The following SLC2A8 variants were observed in gnomAD, a reference collection of about 807,000 sequenced individuals.
SLC2A8 encodes solute carrier family 2, facilitated glucose transporter member 8.
In SLC2A8, 53 loss-of-function variants were observed where a neutral mutation model predicts 49.2. That is an observed-to-expected ratio of 1.08 (90% CI 0.86 to 1.35). The LOEUF is 1.35. Among genes scored for constraint, SLC2A8 ranks in the 40% most tolerant of loss-of-function variants. The pLI, the probability that SLC2A8 is intolerant of heterozygous loss-of-function variation, is 0.00. For synonymous variants in SLC2A8, 299 were observed against 297.0 expected (o/e 1.01, Z -0.07); for missense variants, 688 against 671.7 (o/e 1.02, Z -0.27).
intron 4 of SLC2A8, among the ~76,000 whole-genome samples, chr9:127,401,918 A>G (rs1425596454): frequency 6.6e-6 from 1 of 152,212 alleles, no homozygotes; most frequent in African/African-American, 2.4e-5. Flanking sequence ...AGACTCATTT[A>G]TTCCAGGGCC....
chr9:127,397,288 TGA>T lies in SLC2A8; in HGVS notation c.56+4_56+5del. ...GCTTCTGGGGCCTCCTGGCGGCAGG[TGA>T]GCTCCGGGGAACCCGGGCCCGGATG... On this transcript the variant is annotated splice_donor_region_variant and intron_variant, in intron 1 of 9. Coordinates refer to ENST00000373371, the MANE Select transcript of SLC2A8 (RefSeq NM_014580.5). 1 of 1,391,720 alleles carries T rather than the reference TGA, an allele frequency of 7.2e-7. No homozygotes were observed. Among genetic ancestry groups the T allele is most frequent in the Non-Finnish European group, 9.2e-7 (1 of 1,083,614 alleles). 86.2% of individuals were successfully genotyped at this position (1,391,720 alleles called of 1,614,324 possible).
At chr9:127,397,845 T>C (rs2131871584) in intron 2 of SLC2A8, 60 bp from the exon 3 acceptor site, 1 of 1,401,380 alleles carries the variant, frequency 7.1e-7, no homozygotes, top group South Asian at 1.5e-5. Flanking sequence ...GGGGAGTGGG[T>C]GGAGGGGGAG....
rs1031776511 is a variant in SLC2A8 at position 127,397,997 on chromosome 9, C to T, written c.312C>T (p.Ser104=). The T allele has an allele frequency of 1.2e-5, 18 of 1,556,142 alleles. No individual in the cohort carries two copies. Among genetic ancestry groups the T allele is most frequent in the Non-Finnish European group, 1.6e-5 (18 of 1,157,996 alleles). Residue 104 remains serine, a synonymous_variant, in exon 3 of 10, where the codon TCC becomes TCT. Transcript: ENST00000373371. ...AGRKLSLLLC[S]VPFVAGFAVI... is the part of the protein sequence containing the mutation. ...GCAAGCTGAGCCTCTTGCTGTGCTC[C>T]GTGCCCTTCGTGGCCGGCTTTGCCG...
intron 7 of SLC2A8, 119 bp from the exon 8 acceptor site, chr9:127,404,699 C>T: frequency 1.7e-6 from 2 of 1,207,946 alleles, no homozygotes; most frequent in Non-Finnish European, 1.1e-6. Context: ...GGTGCCAGAA[C>T]ACCAAGCTGG....
rs369824077 is a variant in SLC2A8 at position 127,404,925 on chromosome 9, C to A, written c.1084C>A (p.Gln362Lys). The stretch of plus-strand genomic sequence containing the variant: ...GGCCATCTCGGCGCCTGTCTCTGCA[C>A]AGCCTGTTGATGCCAGCGTGGGGCT... The part of the protein sequence containing the change: ...HVAISAPVSA[Q>K]PVDASVGLAW... The change falls in exon 8 of 10, where the codon CAG becomes AAG. Residue 362 changes from glutamine to lysine, a missense_variant. Transcript: ENST00000373371. 22 of 1,612,222 alleles carry A rather than the reference C, an allele frequency of 1.4e-5. No individual in the cohort carries two copies. Among genetic ancestry groups the A allele is most frequent in the Non-Finnish European group, 1.8e-5 (21 of 1,179,798 alleles).
chr9:127,405,427 G>A lies in SLC2A8; in HGVS notation c.1158G>A (p.Ala386=), dbSNP rs368702482. The A allele has an allele frequency of 3.0e-5, 48 of 1,612,624 alleles. No homozygotes were observed. Among genetic ancestry groups the A allele is most frequent in the Middle Eastern group, 3.3e-4 (2 of 6,054 alleles). ...CCTGTCTCGCTCCCACAGGCTTTGC[G>A]GTGGGCTGGGGGCCCATCCCCTGGC... ...GSMCLFIAGF[A]VGWGPIPWLL... Residue 386 remains alanine, a synonymous_variant, in exon 9 of 10, where the codon GCG becomes GCA. Coordinates refer to ENST00000373371, the MANE Select transcript of SLC2A8 (RefSeq NM_014580.5).
chr9:127,403,523 G>A, intron 5 of SLC2A8, 137 bp from the exon 6 acceptor site: 2 of 993,232 alleles, frequency 2.0e-6, no homozygotes, highest in Non-Finnish European at 3.0e-6. Flanking sequence ...CACACCTGAG[G>A]ACACAGGGGG....
intron 4 of SLC2A8, among the ~76,000 whole-genome samples, chr9:127,400,529 C>G (rs1050005317): frequency 2.8e-4 from 43 of 152,056 alleles, no homozygotes; most frequent in African/African-American, 1.0e-3. Flanking sequence ...CCTGAAGCCC[C>G]CTCTAGGGGT....
chr9:127,405,090 TCTC>T (rs1165286652), intron 8 of SLC2A8, 99 bp downstream of exon 8: 1 of 1,305,208 alleles, frequency 7.7e-7, no homozygotes, highest in Non-Finnish European at 1.1e-6. Flanking sequence ...CAGCCTCACC[TCTC>T]CTCTCGTAAG....
In SLC2A8 at chr9:127,405,666, G is replaced by A; in HGVS notation, c.1296+101G>A. Reference sequence around the variant, plus strand: ...AAGACCCAGGGTCGTGGCCTTACATGCAGCCTGAGCCCCACCATGCCTGGG... The same window carrying A: ...AAGACCCAGGGTCGTGGCCTTACATACAGCCTGAGCCCCACCATGCCTGGG... On this transcript the variant is annotated intron_variant, in intron 9 of 9. Transcript: ENST00000373371. 2.8e-6 allele frequency: 4 copies of A among 1,454,256 alleles called. No individual in the cohort carries two copies. The South Asian group carries it at 5.1e-5, about 18-fold the overall frequency. 90.1% of individuals were successfully genotyped at this position (1,454,256 alleles called of 1,614,324 possible).
At chr9:127,397,654 C>T (rs1376845888) in intron 2 of SLC2A8, 116 bp downstream of exon 2, 9 of 1,308,464 alleles carry the variant, frequency 6.9e-6, no homozygotes, top group Admixed American at 3.8e-5. Context: ...GGCCCCGCCG[C>T]CACCACCTTT....
At position 127,399,590 on chromosome 9, in the gene SLC2A8, T is replaced by G. The variant is rs1833192329; in HGVS notation, c.427-317T>G. On this transcript the variant is annotated intron_variant, in intron 3 of 9. Transcript: ENST00000373371. This position sits in a 1 kb window ranked among gnomAD's most constrained non-coding sequence, Gnocchi z 4.2. ...TCTTTTTTTTTTTTTTTTTAATTTT[T>G]ATTTAAAAATTTCGGAGTTTCGCTC... is the stretch of plus-strand genomic sequence containing the variant. Among the ~76,000 whole-genome samples, 1 of 151,474 alleles carries G rather than the reference T, an allele frequency of 6.6e-6. No individual in the cohort carries two copies. Among genetic ancestry groups the G allele is most frequent in the Admixed American group, 6.6e-5 (1 of 15,226 alleles).
At chr9:127,401,592 C>T (rs758042732) in intron 4 of SLC2A8, among the ~76,000 whole-genome samples, 2 of 152,228 alleles carry the variant, frequency 1.3e-5, no homozygotes, top group African/African-American at 4.8e-5. Flanking sequence ...TCCACCCACC[C>T]GTGGCACTAT....
chr9:127,401,712 A>C (rs1833298730), intron 4 of SLC2A8, among the ~76,000 whole-genome samples: 1 of 152,214 alleles, frequency 6.6e-6, no homozygotes, highest in African/African-American at 2.4e-5. Flanking sequence ...ACAAAGTGAC[A>C]TGGTGGTGGC....
chr9:127,400,147 G>T, intron 4 of SLC2A8, 141 bp downstream of exon 4: 1 of 581,232 alleles, frequency 1.7e-6, no homozygotes. Flanking sequence ...GCCTTCCTGG[G>T]ACCTTGGGAT....
At position 127,403,746 on chromosome 9, in the gene SLC2A8, G is replaced by A. The variant is rs199545728; in HGVS notation, c.810G>A (p.Ser270=). 10 of 1,613,158 alleles carry A rather than the reference G, an allele frequency of 6.2e-6. No homozygotes were observed. Among genetic ancestry groups the A allele is most frequent in the Admixed American group, 3.3e-5 (2 of 60,006 alleles). ...CCCTGATGGCCTTCCAGCAGCTGTC[G>A]GGGGTCAACGCCGTCATGTTCTATG... is the stretch of plus-strand genomic sequence containing the variant. ...GVSLMAFQQL[S]GVNAVMFYAE... The change falls in exon 6 of 10, where the codon TCG becomes TCA. Residue 270 remains serine, a synonymous_variant. Transcript: ENST00000373371.
chr9:127,402,118 G>A (rs1833312167), intron 4 of SLC2A8, among the ~76,000 whole-genome samples: 1 of 152,150 alleles, frequency 6.6e-6, no homozygotes, highest in African/African-American at 2.4e-5. Context: ...AGCTTCCTCC[G>A]CCTCTGTCCC....
chr9:127,404,086 G>C lies in SLC2A8; in HGVS notation c.976+19G>C. 3 of 1,532,262 alleles carry C rather than the reference G, an allele frequency of 2.0e-6. No homozygotes were observed. Among genetic ancestry groups the C allele is most frequent in the South Asian group, 1.2e-5 (1 of 84,326 alleles). The allele number at this position is 1,532,262 out of a possible 1,614,324, so 94.9% of individuals were successfully genotyped here. A position where few individuals can be genotyped will look rare whatever the true frequency, so the allele number is the denominator to read the frequency against. ...TTGTCAGGTGAGGGTTCACCCCTGT[G>C]CAGCCTCCCCGCCATGCGGGGGAGG... On this transcript the variant is annotated intron_variant, in intron 7 of 9. Transcript: ENST00000373371.
intron 3 of SLC2A8, among the ~76,000 whole-genome samples, chr9:127,398,917 C>T (rs1339510448): frequency 2.0e-5 from 3 of 152,218 alleles, no homozygotes; most frequent in Non-Finnish European, 2.9e-5. Flanking sequence ...GCCACTCAGG[C>T]CCCTCCCTGG....
Sources: gnomAD v4.1 joint callset for allele counts (sites outside exome capture counted in the v4.1 genomes callset) on GRCh38, gnomAD v4.1.1 for gene constraint, Gnocchi (gnomAD v3.1) non-coding constraint, MANE v1.5 for transcripts, NCBI Gene and HGNC (gene_info 2026-07-23, HGNC 2026-07-21) for gene names.